Variants in PPP2R3C observed in about 807,000 individuals in gnomAD.
PPP2R3C encodes protein phosphatase 2 regulatory subunit B''gamma.
PPP2R3C carries 47 observed loss-of-function variants against 63.7 expected under a neutral mutation model. That is an observed-to-expected ratio of 0.74 (90% confidence interval 0.58 to 0.94). The LOEUF (loss-of-function observed/expected upper bound fraction) is 0.94. Among genes scored for constraint, PPP2R3C ranks in the 40% least tolerant of loss-of-function variants. The probability of loss-of-function intolerance (pLI) is 0.00; values close to 1 mark genes in which losing one functional copy is unlikely to be tolerated. For synonymous variants in PPP2R3C, 180 were observed against 177.4 expected (o/e 1.01, Z -0.12); for missense variants, 421 against 518.4 (o/e 0.81, Z 1.82).
chr14:35,108,254 A>G lies in PPP2R3C; in HGVS notation c.405-18T>C. The G allele has an allele frequency of 6.4e-7, 1 of 1,560,884 alleles. No homozygotes were observed. Among genetic ancestry groups the G allele is most frequent in the Middle Eastern group, 1.7e-4 (1 of 5,726 alleles). ...AAAATTGCCTAAGAAAAGAAAATAA[A>G]GATTTAAATGATCTGCCAACATAAA... On this transcript the variant is annotated intron_variant, in intron 4 of 12. Coordinates refer to ENST00000261475, the MANE Select transcript of PPP2R3C (RefSeq NM_017917.4).
chr14:35,116,980 G>A (rs531085104), intron 1 of PPP2R3C: 19 of 423,520 alleles, frequency 4.5e-5, no homozygotes, highest in South Asian at 1.4e-4. Context: ...TCTGTTTATC[G>A]CTAAAGCTAG....
At chr14:35,121,710 A>T (rs987174440) in intron 1 of PPP2R3C, 192 bp downstream of exon 1, 7 of 596,908 alleles carry the variant, frequency 1.2e-5, no homozygotes, top group Non-Finnish European at 2.1e-5. Context: ...TCGTTCCTCT[A>T]GATTCTGCCC....
At chr14:35,114,838 C>T (rs1012912656) in intron 2 of PPP2R3C, among the ~76,000 whole-genome samples, 1 of 152,070 alleles carries the variant, frequency 6.6e-6, no homozygotes, top group African/African-American at 2.4e-5. Context: ...ACTAAAAATA[C>T]AAAAACTAGC....
chr14:35,115,993 A>G (rs1027739087), intron 2 of PPP2R3C, among the ~76,000 whole-genome samples: 2 of 152,176 alleles, frequency 1.3e-5, no homozygotes, highest in African/African-American at 2.4e-5. Context: ...TTAAAACTTT[A>G]TAACAAAGTG....
intron 12 of PPP2R3C, chr14:35,086,947 A>C (rs1053238322): frequency 6.6e-6 from 1 of 151,852 alleles, no homozygotes; most frequent in Non-Finnish European, 1.5e-5. Context: ...ACAGCCGTGT[A>C]CCACCACACC....
intron 10 of PPP2R3C, among the ~76,000 whole-genome samples, chr14:35,094,170 C>G (rs1348769802): frequency 6.6e-6 from 1 of 151,966 alleles, no homozygotes. Flanking sequence ...GAATAATTTA[C>G]TAATGTTTCA....
chr14:35,109,824 C>T lies in PPP2R3C; in HGVS notation c.399G>A (p.Lys133=), dbSNP rs544964267. The change falls in exon 4 of 13, where the codon AAG becomes AAA. Residue 133 remains lysine (K), a synonymous_variant. Coordinates refer to ENST00000261475, the MANE Select transcript of PPP2R3C (RefSeq NM_017917.4). ...GTTAATTATATTATTCTTACTTGCACTTTGCTCCAGCCTTTTCACCAACCT... is the reference window on the plus strand; with the variant it reads ...GTTAATTATATTATTCTTACTTGCATTTTGCTCCAGCCTTTTCACCAACCT... ...FLKVGEKAGA[K]CKQFFTAKVF... The T allele has an allele frequency of 6.4e-6, 10 of 1,569,260 alleles. No homozygotes were observed. Among genetic ancestry groups the T allele is most frequent in the East Asian group, 4.5e-5 (2 of 44,654 alleles).
intron 1 of PPP2R3C, 43 bp downstream of exon 1, chr14:35,121,859 T>C (rs1223559387): frequency 1.9e-6 from 3 of 1,610,880 alleles, no homozygotes; most frequent in Admixed American, 3.3e-5. Context: ...TCTAGGAGTT[T>C]AGGGCCGGGC....
intron 2 of PPP2R3C, among the ~76,000 whole-genome samples, chr14:35,110,892 A>G (rs1490242388): frequency 2.6e-5 from 4 of 152,134 alleles, no homozygotes; most frequent in East Asian, 1.9e-4. Context: ...CTGTGTTTCT[A>G]TTGTCACCTT....
intron 10 of PPP2R3C, among the ~76,000 whole-genome samples, chr14:35,092,656 C>T (rs1020301434): frequency 5.3e-5 from 8 of 151,876 alleles, no homozygotes; most frequent in South Asian, 2.1e-4. Flanking sequence ...AGTAGAGAAG[C>T]GGTTTCTCCA....
chr14:35,107,398 A>G, intron 5 of PPP2R3C, 24 bp from the exon 6 acceptor site: 2 of 1,542,780 alleles, frequency 1.3e-6, no homozygotes, highest in Non-Finnish European at 1.8e-6. Flanking sequence ...AGAAAATGAA[A>G]GTAATTCTTA....
chr14:35,087,216 CAT>C (rs1040163120), intron 12 of PPP2R3C: 3 of 152,064 alleles, frequency 2.0e-5, no homozygotes, highest in South Asian at 2.1e-4. Context: ...GGAATTAGTA[CAT>C]GTTTTCTAAT....
chr14:35,090,441 T>C (rs1410335015), intron 11 of PPP2R3C, among the ~76,000 whole-genome samples: 1 of 151,612 alleles, frequency 6.6e-6, no homozygotes, highest in East Asian at 1.9e-4. Context: ...AGCCCAGGAG[T>C]TGGAGGTTGC....
chr14:35,085,667 C>T lies in PPP2R3C; in HGVS notation c.1285G>A (p.Gly429Ser). Residue 429 changes from glycine to serine, a missense_variant, in exon 13 of 13, where the codon GGC becomes AGC. By Grantham distance (56) the Gly-to-Ser change is moderately conservative (BLOSUM62 0). Transcript: ENST00000261475. ...TVTTILIDLN[G>S]FWTYENREAL... ...TCTCTGTTCTCGTAAGTCCAGAAGC[C>T]ATTCAAATCGATTAGAATGGTGGTT... The T allele has an allele frequency of 1.2e-6, 2 of 1,613,806 alleles. No individual in the cohort carries two copies. The highest frequency in any genetic ancestry group is 1.7e-6 in the Non-Finnish European group (2 of 1,179,854).
In PPP2R3C at chr14:35,109,904, G is replaced by T. The variant is rs1309895506; in HGVS notation, c.319C>A (p.Gln107Lys). Residue 107 changes from glutamine to lysine, a missense_variant, in exon 4 of 13, where the codon CAG becomes AAG. Gln to Lys is a moderately conservative substitution (Grantham distance 53). Coordinates refer to ENST00000261475, the MANE Select transcript of PPP2R3C (RefSeq NM_017917.4). ...TCCTCTCCAATCATAGGTGGTGTCT[G>T]GTGTTTGTCCAGCAAAAACCATAAG... ...QNLWFLLDKH[Q>K]TPPMIGEEAM... is the part of the protein sequence containing the mutation. 1 of 1,609,454 alleles carries T rather than the reference G, an allele frequency of 6.2e-7. No homozygotes were observed. The highest frequency in any genetic ancestry group is 1.7e-4 in the Middle Eastern group (1 of 6,052).
rs1023998472 is a variant in PPP2R3C, at chr14:35,099,553, T to C, written c.574-169A>G. 8 of 871,948 alleles carry C rather than the reference T, an allele frequency of 9.2e-6. No homozygotes were observed. The Admixed American group carries it at 2.4e-4, about 26-fold the overall frequency. The allele number at this position is 871,948 out of a possible 1,614,324, so 54.0% of individuals were successfully genotyped here. ...CATTAAATTTTGTTTCTAATTTGTT[T>C]TAGCATTTTTGAAAAGTAGTAAATT... On this transcript the variant is annotated intron_variant, in intron 6 of 12. Coordinates refer to ENST00000261475, the MANE Select transcript of PPP2R3C (RefSeq NM_017917.4).
At chr14:35,089,795 A>G (rs2045735193) in intron 11 of PPP2R3C, among the ~76,000 whole-genome samples, 1 of 151,854 alleles carries the variant, frequency 6.6e-6, no homozygotes, top group Admixed American at 6.6e-5. Context: ...CCTCCCGAGT[A>G]GCTGGGACTA....
intron 7 of PPP2R3C, chr14:35,098,997 C>T (rs1305966756): frequency 6.3e-6 from 2 of 318,340 alleles, no homozygotes; most frequent in Non-Finnish European, 1.1e-5. Context: ...TACTTCTTCA[C>T]TGTTAGGTGA....
intron 10 of PPP2R3C, among the ~76,000 whole-genome samples, chr14:35,094,706 G>A (rs188782061): frequency 6.4e-4 from 97 of 152,068 alleles, no homozygotes; most frequent in African/African-American, 2.3e-3. Flanking sequence ...CTCACGCCTC[G>A]TAATCCCAGC....
Sources: allele counts gnomAD v4.1 joint callset (sites outside exome capture counted in the v4.1 genomes callset), GRCh38; gene constraint gnomAD v4.1.1; transcripts MANE v1.5; gene names NCBI Gene and HGNC (gene_info 2026-07-23, HGNC 2026-07-21).